C1QTNF7: variants seen among roughly 807,000 people sequenced by gnomAD.
The protein encoded by C1QTNF7 is C1q and TNF related 7, also known as complement C1q tumor necrosis factor-related protein 7.
A neutral mutation model predicts 19.6 loss-of-function variants in C1QTNF7; 15 were observed. The ratio of observed to expected loss-of-function variants is 0.76; its 90% CI spans 0.51 to 1.18. The LOEUF is 1.18. Among genes scored for constraint, C1QTNF7 ranks in the 50% most tolerant of loss-of-function variants. The pLI, the probability that C1QTNF7 is intolerant of heterozygous loss-of-function variation, is 0.00. For synonymous variants in C1QTNF7, 142 were observed against 137.5 expected (o/e 1.03, Z -0.23); for missense variants, 324 against 359.7 (o/e 0.90, Z 0.80).
chr4:15,434,875 C>G (rs140368076), intron 1 of C1QTNF7, among the ~76,000 whole-genome samples: 1 of 152,156 alleles, frequency 6.6e-6, no homozygotes, highest in East Asian at 1.9e-4. Flanking sequence ...TGGGACACCA[C>G]GACATTATAT....
At chr4:15,391,690 G>T (rs1479662917) in intron 1 of C1QTNF7, among the ~76,000 whole-genome samples, 1 of 152,068 alleles carries the variant, frequency 6.6e-6, no homozygotes, top group Admixed American at 6.6e-5. Flanking sequence ...GCAACAATAT[G>T]TATTATTAAA....
At chr4:15,363,885 C>T (rs777270728) in intron 1 of C1QTNF7, among the ~76,000 whole-genome samples, 11 of 152,216 alleles carry the variant, frequency 7.2e-5, no homozygotes, top group Non-Finnish European at 1.3e-4. Context: ...ATGCCCTTGT[C>T]TCTGAGCATT....
At chr4:15,420,280 T>C (rs1441436392) in intron 1 of C1QTNF7, among the ~76,000 whole-genome samples, 3 of 152,212 alleles carry the variant, frequency 2.0e-5, no homozygotes, top group African/African-American at 7.2e-5. Context: ...TGGCACTTAT[T>C]TTCTCAGACA....
chr4:15,364,482 G>A (rs987228806), intron 1 of C1QTNF7, among the ~76,000 whole-genome samples: 1 of 152,196 alleles, frequency 6.6e-6, no homozygotes, highest in African/African-American at 2.4e-5. Context: ...ACTACAGCCT[G>A]CCACCATGTA....
At chr4:15,379,629 C>CT (rs931440737) in intron 1 of C1QTNF7, among the ~76,000 whole-genome samples, 10 of 151,962 alleles carry the variant, frequency 6.6e-5, no homozygotes, top group African/African-American at 9.6e-5. Flanking sequence ...AAATAAGGGG[C>CT]TTTTTTTTAA....
intron 1 of C1QTNF7, among the ~76,000 whole-genome samples, chr4:15,346,993 A>G (rs566407022): frequency 2.2e-4 from 34 of 152,318 alleles, no homozygotes; most frequent in Middle Eastern, 3.4e-3. Context: ...ATGATGTTGA[A>G]CCACATAAAC....
At chr4:15,343,676 T>C (rs966535975) in intron 1 of C1QTNF7, among the ~76,000 whole-genome samples, 2 of 152,158 alleles carry the variant, frequency 1.3e-5, no homozygotes, top group African/African-American at 2.4e-5. Flanking sequence ...AAATTAGATA[T>C]CGCAATTTAG....
intron 1 of C1QTNF7, among the ~76,000 whole-genome samples, chr4:15,376,588 A>G (rs1717948996): frequency 6.6e-6 from 1 of 152,234 alleles, no homozygotes; most frequent in African/African-American, 2.4e-5. Context: ...TGTCTCTTTC[A>G]TATATGAGAA....
chr4:15,403,822 A>C (rs375011522), intron 1 of C1QTNF7, among the ~76,000 whole-genome samples: 1 of 152,286 alleles, frequency 6.6e-6, no homozygotes, highest in Non-Finnish European at 1.5e-5. Context: ...AACTCCAATA[A>C]AATAGTTGTA....
chr4:15,391,279 C>T (rs544249912), intron 1 of C1QTNF7, among the ~76,000 whole-genome samples: 63 of 152,048 alleles, frequency 4.1e-4, no homozygotes, highest in African/African-American at 1.5e-3. Flanking sequence ...TCCTGGACTC[C>T]CAGGGTTGAG....
intron 1 of C1QTNF7, among the ~76,000 whole-genome samples, chr4:15,381,427 A>AAAG (rs1020966324): frequency 3.3e-5 from 5 of 151,966 alleles, no homozygotes; most frequent in Admixed American, 3.3e-4. Context: ...ATCTCAAAAA[A>AAAG]AAAAAAAAAT....
Position 15,422,607 on chromosome 4 carries a change from G to A in C1QTNF7, c.14-13129G>A, listed in dbSNP as rs1015022672. On this transcript the variant is annotated intron_variant, in intron 1 of 2. Coordinates refer to the C1QTNF7 transcript ENST00000295297. ...GTTTTTTAATATGTTTAAAACTTTC[G>A]ATAATTTTTTTTTTTTAGAAAGGGT... 7.3e-5 allele frequency among the ~76,000 whole-genome samples: 11 copies of A among 151,574 alleles called. No homozygotes were observed. In the South Asian group the frequency reaches 8.3e-4, roughly 11 times the overall value.
At chr4:15,375,023 C>T (rs13113022) in intron 1 of C1QTNF7, among the ~76,000 whole-genome samples, 72,260 of 151,146 alleles carry the variant, frequency 0.48, 18,806 homozygotes, top group African/African-American at 0.69. Context: ...AAAGCCCTTC[C>T]TTGCCAATTA....
chr4:15,358,388 T>C (rs1248499308), intron 1 of C1QTNF7: 1 of 152,220 alleles, frequency 6.6e-6, no homozygotes, highest in Non-Finnish European at 1.5e-5. Flanking sequence ...TTGATTTGCA[T>C]ATGTTGAACC....
intron 1 of C1QTNF7, chr4:15,362,277 C>T (rs1717369958): frequency 6.6e-6 from 1 of 151,394 alleles, no homozygotes; most frequent in Non-Finnish European, 1.5e-5. Flanking sequence ...AATTCCCTTC[C>T]CTCTTTCCCT....
chr4:15,363,278 A>G (rs1577236228), intron 1 of C1QTNF7, among the ~76,000 whole-genome samples: 1 of 151,330 alleles, frequency 6.6e-6, no homozygotes, highest in South Asian at 2.1e-4. Context: ...TGTGTGTTGG[A>G]TGGTTGGTCT....
chr4:15,352,533 T>C (rs1716976009), intron 1 of C1QTNF7, among the ~76,000 whole-genome samples: 1 of 152,112 alleles, frequency 6.6e-6, no homozygotes, highest in African/African-American at 2.4e-5. Flanking sequence ...GGCCTCTGAA[T>C]AAAATGAATG....
intron 1 of C1QTNF7, among the ~76,000 whole-genome samples, chr4:15,389,782 A>G (rs947296955): frequency 1.3e-5 from 2 of 152,140 alleles, no homozygotes; most frequent in African/African-American, 2.4e-5. Context: ...GATCCCCTAG[A>G]GATTTTCATA....
chr4:15,370,074 T>C (rs948655736), intron 1 of C1QTNF7, among the ~76,000 whole-genome samples: 3 of 152,202 alleles, frequency 2.0e-5, no homozygotes, highest in Non-Finnish European at 4.4e-5. Flanking sequence ...GTCTGCCTAA[T>C]ACTATTGTAC....
Sources: gnomAD v4.1 joint callset for allele counts (sites outside exome capture counted in the v4.1 genomes callset) on GRCh38, gnomAD v4.1.1 for gene constraint, MANE v1.5 for transcripts, NCBI Gene and HGNC (gene_info 2026-07-23, HGNC 2026-07-21) for gene names.